Variants in PTPRO observed in about 807,000 individuals in gnomAD.
PTPRO encodes protein tyrosine phosphatase receptor type O.
In PTPRO, 62 loss-of-function variants were observed where a neutral mutation model predicts 145.2. The ratio of observed to expected loss-of-function variants is 0.43; its 90% CI spans 0.35 to 0.53. The LOEUF (loss-of-function observed/expected upper bound fraction) is 0.53, where lower values mean the gene tolerates loss of function less well. PTPRO is among the 20% of genes least tolerant of loss of function. PTPRO has a pLI of 0.01. For missense variants in PTPRO, 1,345 were observed against 1,482.7 expected (o/e 0.91, Z 1.53); for synonymous variants, 565 against 514.7 (o/e 1.10, Z -1.32).
At chr12:15,582,300 C>T (rs1591767183) in intron 23 of PTPRO, among the ~76,000 whole-genome samples, 1 of 152,172 alleles carries the variant, frequency 6.6e-6, no homozygotes, top group South Asian at 2.1e-4. Context: ...AGTTTTGGGG[C>T]CAGTTTATGG....
intron 1 of PTPRO, among the ~76,000 whole-genome samples, chr12:15,459,353 G>C (rs1163460530): frequency 1.3e-5 from 2 of 152,146 alleles, no homozygotes; most frequent in Non-Finnish European, 2.9e-5. Flanking sequence ...TGCACTCTGA[G>C]ACAGGTGAGA....
At chr12:15,552,153 T>C (rs2135562977) in intron 15 of PTPRO, among the ~76,000 whole-genome samples, 1 of 152,238 alleles carries the variant, frequency 6.6e-6, no homozygotes, top group Non-Finnish European at 1.5e-5. Flanking sequence ...TCTATTAGTT[T>C]TATTCCTATT....
At chr12:15,536,723 G>C (rs1160176967) in intron 12 of PTPRO, among the ~76,000 whole-genome samples, 1 of 152,194 alleles carries the variant, frequency 6.6e-6, no homozygotes, top group African/African-American at 2.4e-5. Flanking sequence ...CATCCCTGTT[G>C]CCTTAGACAA....
chr12:15,439,952 T>C, intron 1 of PTPRO: 1 of 684,626 alleles, frequency 1.5e-6, no homozygotes, highest in Non-Finnish European at 2.7e-6. Flanking sequence ...TGTTAAGTGC[T>C]CCAAGGAGGT....
Position 15,501,617 on chromosome 12 carries a change from C to A in PTPRO, c.662-3C>A. The A allele has an allele frequency of 1.2e-6, 2 of 1,610,584 alleles. No homozygotes were observed. The highest frequency in any genetic ancestry group is 1.7e-6 in the Non-Finnish European group (2 of 1,176,956). On this transcript the variant is annotated splice_region_variant and splice_polypyrimidine_tract_variant and intron_variant, in intron 4 of 26. Transcript: ENST00000281171. ...TTGAAAATGAAAATTCTCTCTCTTACAGCCCCTTATCCACCTCAAAATATT... is the reference window on the plus strand; with the variant it reads ...TTGAAAATGAAAATTCTCTCTCTTAAAGCCCCTTATCCACCTCAAAATATT...
chr12:15,450,605 C>G (rs868775380), intron 1 of PTPRO, among the ~76,000 whole-genome samples: 15 of 152,052 alleles, frequency 9.9e-5, no homozygotes, highest in Admixed American at 3.9e-4. Context: ...GAAACTCTGT[C>G]TCTACAAAAA....
chr12:15,340,058 T>G (rs992081149), intron 1 of PTPRO, among the ~76,000 whole-genome samples: 1 of 152,224 alleles, frequency 6.6e-6, no homozygotes, highest in Admixed American at 6.5e-5. Context: ...GAGATGATAC[T>G]GATGATCCCT....
At chr12:15,564,341 T>C (rs1411086395) in intron 17 of PTPRO, among the ~76,000 whole-genome samples, 1 of 152,206 alleles carries the variant, frequency 6.6e-6, no homozygotes, top group Non-Finnish European at 1.5e-5. Flanking sequence ...AGCCCAAGTC[T>C]AGTATTCAAT....
intron 14 of PTPRO, 43 bp from the exon 15 acceptor site, chr12:15,551,508 T>G (rs1353461176): frequency 1.2e-6 from 2 of 1,607,996 alleles, no homozygotes; most frequent in Non-Finnish European, 1.7e-6. Context: ...TTTGGTTCCC[T>G]GTAAGAGAAC....
At position 15,408,839 on chromosome 12, in the gene PTPRO, C is replaced by A. The variant is rs893245375; in HGVS notation, c.76-75135C>A. Among the ~76,000 whole-genome samples, 6 of 152,126 alleles carry A rather than the reference C, an allele frequency of 3.9e-5. No individual in the cohort carries two copies. The East Asian group carries it at 1.2e-3, about 29-fold the overall frequency. ...ATATAACACCGTTAGCTTCTCTTAG[C>A]CTCGGTATCTTTAACCGTAAAATGA... is the stretch of plus-strand genomic sequence containing the variant. On this transcript the variant is annotated intron_variant, in intron 1 of 26. Transcript: ENST00000281171.
chr12:15,355,287 C>A (rs1461034), intron 1 of PTPRO, among the ~76,000 whole-genome samples: 36,835 of 151,980 alleles, frequency 0.24, 4,672 homozygotes, highest in Non-Finnish European at 0.29. Context: ...CAGAAATGAC[C>A]TTTCCCTCCT....
At chr12:15,448,976 T>G (rs1940978743) in intron 1 of PTPRO, among the ~76,000 whole-genome samples, 1 of 147,470 alleles carries the variant, frequency 6.8e-6, no homozygotes, top group South Asian at 2.3e-4. Context: ...TGAATACATA[T>G]AGAATATTGA....
At chr12:15,475,832 T>C (rs1366463853) in intron 1 of PTPRO, among the ~76,000 whole-genome samples, 1 of 152,172 alleles carries the variant, frequency 6.6e-6, no homozygotes, top group Admixed American at 6.5e-5. Context: ...TGGTTCTTAG[T>C]AGATTCTTAA....
intron 7 of PTPRO, among the ~76,000 whole-genome samples, chr12:15,515,139 T>C (rs1942549809): frequency 6.6e-6 from 1 of 152,168 alleles, no homozygotes; most frequent in African/African-American, 2.4e-5. Flanking sequence ...CGTACTGACC[T>C]TTGTATGTAA....
intron 6 of PTPRO, among the ~76,000 whole-genome samples, chr12:15,505,263 C>T (rs1942298965): frequency 6.6e-6 from 1 of 152,210 alleles, no homozygotes; most frequent in Non-Finnish European, 1.5e-5. Flanking sequence ...GCACAAAACA[C>T]ATAACTTATT....
chr12:15,452,597 A>G (rs1941075047), intron 1 of PTPRO, among the ~76,000 whole-genome samples: 1 of 152,212 alleles, frequency 6.6e-6, no homozygotes, highest in Non-Finnish European at 1.5e-5. Flanking sequence ...AAAAGTCCTT[A>G]ACAAAATACT....
chr12:15,578,821 G>A, intron 19 of PTPRO, 32 bp from the exon 20 acceptor site: 1 of 1,482,076 alleles, frequency 6.7e-7, no homozygotes, highest in South Asian at 1.1e-5. Flanking sequence ...ACCACGTATG[G>A]AACTCTCAAA....
At chr12:15,518,340 ACC>A (rs759269807) in intron 9 of PTPRO, among the ~76,000 whole-genome samples, 16 of 152,084 alleles carry the variant, frequency 1.1e-4, no homozygotes, top group Non-Finnish European at 1.9e-4. Context: ...CAGCACAGGG[ACC>A]CTGGGCCTGG....
chr12:15,360,864 A>ATG lies in PTPRO; in HGVS notation c.75+38069_75+38070dup, dbSNP rs1220326549. Among the ~76,000 whole-genome samples, 10 of 111,962 alleles carry ATG rather than the reference A, an allele frequency of 8.9e-5. 1 individual carries two copies. The highest frequency in any genetic ancestry group is 3.0e-4 in the African/African-American group (10 of 33,754). 73.5% of individuals were successfully genotyped at this position (111,962 alleles called of 152,430 possible). ...CGTGTGTATATATGTGTGTGTATAT[A>ATG]TGTGTGTATATACACACATACACAT... On this transcript the variant is annotated intron_variant, in intron 1 of 26. Transcript: ENST00000281171.
Sources: gnomAD v4.1 joint callset for allele counts (sites outside exome capture counted in the v4.1 genomes callset) on GRCh38, gnomAD v4.1.1 for gene constraint, MANE v1.5 for transcripts, NCBI Gene and HGNC (gene_info 2026-07-23, HGNC 2026-07-21) for gene names.